Variants in STAB2 observed in about 807,000 individuals in gnomAD.
STAB2 encodes stabilin-2.
STAB2 carries 288 observed loss-of-function variants against 338.1 expected under a neutral mutation model. That is an observed-to-expected ratio of 0.85 (90% CI 0.77 to 0.94). The LOEUF (loss-of-function observed/expected upper bound fraction) is 0.94. Among genes scored for constraint, STAB2 ranks in the 40% least tolerant of loss-of-function variants. The probability of loss-of-function intolerance (pLI) is 0.00; values close to 1 mark genes in which losing one functional copy is unlikely to be tolerated. For synonymous variants in STAB2, 1,202 were observed against 1,193.3 expected (o/e 1.01, Z -0.15); for missense variants, 3,141 against 3,210.1 (o/e 0.98, Z 0.52).
chr12:103,672,364 C>A (rs1021527351), intron 22 of STAB2, among the ~76,000 whole-genome samples: 1 of 152,194 alleles, frequency 6.6e-6, no homozygotes, highest in Non-Finnish European at 1.5e-5. Flanking sequence ...TGAGGCCAGC[C>A]GGGCAGGACA....
intron 25 of STAB2, among the ~76,000 whole-genome samples, chr12:103,680,616 C>T (rs2138859046): frequency 6.6e-6 from 1 of 152,370 alleles, no homozygotes; most frequent in South Asian, 2.1e-4. Flanking sequence ...CACCCATCCT[C>T]ATTTCCTACC....
intron 26 of STAB2, 70 bp downstream of exon 26, chr12:103,683,370 A>G: frequency 7.1e-7 from 1 of 1,408,046 alleles, no homozygotes; most frequent in Non-Finnish European, 9.7e-7. Context: ...AAGAAAGATT[A>G]TTTCCTGTCT....
At chr12:103,618,063 G>A (rs1446541481) in intron 3 of STAB2, among the ~76,000 whole-genome samples, 2 of 152,154 alleles carry the variant, frequency 1.3e-5, no homozygotes, top group African/African-American at 4.8e-5. Flanking sequence ...AGCCCCCAGG[G>A]TCTCTTTCAG....
intron 2 of STAB2, among the ~76,000 whole-genome samples, chr12:103,593,576 C>T (rs1239441668): frequency 6.6e-6 from 1 of 152,188 alleles, no homozygotes; most frequent in Non-Finnish European, 1.5e-5. Context: ...CAAAAAAAGT[C>T]AACTCTATCC....
At chr12:103,693,038 C>T in intron 31 of STAB2, 149 bp downstream of exon 31, 1 of 556,638 alleles carries the variant, frequency 1.8e-6, no homozygotes, top group Non-Finnish European at 3.1e-6. Context: ...ATTTTAAAAC[C>T]ATCAAGAGAG....
intron 30 of STAB2, among the ~76,000 whole-genome samples, chr12:103,691,505 A>G (rs1157838478): frequency 1.3e-5 from 2 of 152,222 alleles, no homozygotes; most frequent in Non-Finnish European, 2.9e-5. Flanking sequence ...AATTGTATGT[A>G]TTTAAAGTGT....
Position 103,705,588 on chromosome 12 carries a change from T to G in STAB2, c.3901-44T>G, listed in dbSNP as rs1566031808. On this transcript the variant is annotated intron_variant, in intron 36 of 68. Transcript: ENST00000388887. ...TACTTGCTTTCGGAGACTGGAAAACTTTTTCCTAACTTAGGAGCTGACGTA... is the reference window on the plus strand; with the variant it reads ...TACTTGCTTTCGGAGACTGGAAAACGTTTTCCTAACTTAGGAGCTGACGTA... The G allele has an allele frequency of 2.5e-6, 4 of 1,593,040 alleles. No individual in the cohort carries two copies. In the South Asian group the frequency reaches 3.3e-5, roughly 13 times the overall value.
intron 63 of STAB2, among the ~76,000 whole-genome samples, chr12:103,756,995 A>AT (rs1884151430): frequency 2.1e-5 from 1 of 47,926 alleles, no homozygotes; most frequent in Non-Finnish European, 3.8e-5. Flanking sequence ...GAAGGAGGGA[A>AT]AATATATATA....
In STAB2 at chr12:103,753,249, TC is replaced by T. The variant is rs1186527473; in HGVS notation, c.6614del (p.Pro2205HisfsTer7). 6.2e-7 allele frequency: 1 copy of T among 1,614,148 alleles called. No individual in the cohort carries two copies. Among genetic ancestry groups the T allele is most frequent in the South Asian group, 1.1e-5 (1 of 91,088 alleles). ...DTTVGVFHLRSPLGQYKLTFD... is the reference protein window; with the variant it reads ...DTTVGVFHLRXPLGQYKLTFD... Reference sequence around the variant, plus strand: ...CACTGTTGGGGTGTTCCATCTACGCTCCCCACTGGGCCAGTATAAGCTGACC... The same window carrying T: ...CACTGTTGGGGTGTTCCATCTACGCTCCCACTGGGCCAGTATAAGCTGACC... On this transcript the variant is annotated frameshift_variant, in exon 61 of 69. Transcript: ENST00000388887. LOFTEE classifies it high-confidence loss of function.
At chr12:103,760,034 TAAG>T (rs1489193037) in intron 65 of STAB2, among the ~76,000 whole-genome samples, 2 of 152,164 alleles carry the variant, frequency 1.3e-5, no homozygotes, top group African/African-American at 4.8e-5. Context: ...GAGTGGAAGA[TAAG>T]GAGTATTTCA....
chr12:103,639,916 A>G (rs1872782456), intron 8 of STAB2, among the ~76,000 whole-genome samples: 1 of 152,208 alleles, frequency 6.6e-6, no homozygotes, highest in Non-Finnish European at 1.5e-5. Flanking sequence ...AAACTTTATA[A>G]GCAAGGAGTA....
At chr12:103,652,817 T>C in intron 12 of STAB2, 112 bp downstream of exon 12, 1 of 1,274,394 alleles carries the variant, frequency 7.8e-7, no homozygotes, top group Non-Finnish European at 1.1e-6. Flanking sequence ...AGGAAATTCT[T>C]TCCTCATGTA....
At chr12:103,738,910 C>T (rs1342569716) in intron 53 of STAB2, among the ~76,000 whole-genome samples, 1 of 152,100 alleles carries the variant, frequency 6.6e-6, no homozygotes, top group Admixed American at 6.6e-5. Context: ...GGAGCTAATG[C>T]CCAAGACAGA....
Position 103,704,446 on chromosome 12 carries a change from C to T in STAB2, c.3844-112C>T, listed in dbSNP as rs555564611. On this transcript the variant is annotated intron_variant, in intron 35 of 68. Transcript: ENST00000388887. ...GTCTCAGAACATTAAAGAGGCTGCC[C>T]AGATAATCTGCCTTGATTTTTAATT... The T allele has an allele frequency of 1.6e-5, 16 of 990,966 alleles. No individual in the cohort carries two copies. The Admixed American group carries it at 3.6e-4, about 22-fold the overall frequency. 61.4% of individuals were successfully genotyped at this position (990,966 alleles called of 1,614,324 possible). A position where few individuals can be genotyped will look rare whatever the true frequency, so the allele number is the denominator to read the frequency against.
At chr12:103,635,105 T>A (rs1261070046) in intron 6 of STAB2, among the ~76,000 whole-genome samples, 1 of 152,176 alleles carries the variant, frequency 6.6e-6, no homozygotes, top group Non-Finnish European at 1.5e-5. Context: ...TGTGTGCACA[T>A]CTTGAGAGCA....
intron 63 of STAB2, among the ~76,000 whole-genome samples, chr12:103,756,310 G>C (rs1442523024): frequency 2.0e-5 from 3 of 152,218 alleles, no homozygotes; most frequent in Non-Finnish European, 2.9e-5. Flanking sequence ...TGACCTAACA[G>C]TAATAATGAC....
rs547329701 is a variant in STAB2 at position 103,671,416 on chromosome 12, A to C, written c.2371+609A>C. ...CAGTAAGCTGAGATTGAGCCACTGCACTCCAGCCTGGGTGACAGTGAGATT... is the reference window on the plus strand; with the variant it reads ...CAGTAAGCTGAGATTGAGCCACTGCCCTCCAGCCTGGGTGACAGTGAGATT... On this transcript the variant is annotated intron_variant, in intron 22 of 68. Transcript: ENST00000388887. Among the ~76,000 whole-genome samples, 235 of 151,922 alleles carry C rather than the reference A, an allele frequency of 1.5e-3. 3 individuals are homozygous for C. Among genetic ancestry groups the C allele is most frequent in the Non-Finnish European group, 2.2e-3 (150 of 67,942 alleles).
Position 103,587,483 on chromosome 12 carries a change from C to T in STAB2, c.7C>T (p.Leu3=), listed in dbSNP as rs753670483. The T allele has an allele frequency of 9.3e-6, 15 of 1,613,480 alleles. No homozygotes were observed. The highest frequency in any genetic ancestry group is 5.3e-5 in the African/African-American group (4 of 74,898). ...AAGGAGCAAATATTTCCTCATGATG[C>T]TACAACATTTAGTAATTTTTTGTCT... MM[L]QHLVIFCLGL... Residue 3 remains leucine, a synonymous_variant, in exon 1 of 69, where the codon CTA becomes TTA. Coordinates refer to ENST00000388887, the MANE Select transcript of STAB2 (RefSeq NM_017564.10).
chr12:103,649,835 G>A (rs946639717), intron 10 of STAB2, among the ~76,000 whole-genome samples: 1 of 152,046 alleles, frequency 6.6e-6, no homozygotes, highest in South Asian at 2.1e-4. Flanking sequence ...ACAGGGGGGA[G>A]GTAGTGTTTT....
Sources: gnomAD v4.1 joint callset for allele counts (sites outside exome capture counted in the v4.1 genomes callset) on GRCh38, gnomAD v4.1.1 for gene constraint, MANE v1.5 for transcripts, NCBI Gene and HGNC (gene_info 2026-07-23, HGNC 2026-07-21) for gene names.